Variants in OSBP2 observed in about 807,000 individuals in gnomAD.
OSBP2 encodes oxysterol binding protein 2, also known as oxysterol-binding protein 2.
Under a neutral mutation model 96.0 loss-of-function variants are expected in OSBP2, and 66 were observed. The observed-to-expected ratio is 0.69, with a 90% CI of 0.56 to 0.84. The LOEUF is 0.84. OSBP2 is among the 40% of genes least tolerant of loss of function. OSBP2 has a pLI of 0.00. For missense variants in OSBP2, 1,038 were observed against 1,222.7 expected (o/e 0.85, Z 2.25); for synonymous variants, 525 against 520.9 (o/e 1.01, Z -0.11).
At chr22:30,829,219 G>A (rs1438085927) in intron 2 of OSBP2, among the ~76,000 whole-genome samples, 2 of 152,204 alleles carry the variant, frequency 1.3e-5, no homozygotes, top group Non-Finnish European at 2.9e-5. Context: ...GCTGCTGTGG[G>A]CTCACTTGGC....
Position 30,907,288 on chromosome 22 carries a change from G to T in OSBP2, c.*949G>T, listed in dbSNP as rs565636554. The T allele has an allele frequency of 2.0e-5, 3 of 152,514 alleles. No individual in the cohort carries two copies. The highest frequency in any genetic ancestry group is 4.8e-5 in the African/African-American group (2 of 41,474). The allele number at this position is 152,514 out of a possible 1,614,324, so 9.4% of individuals were successfully genotyped here. A position where few individuals can be genotyped will look rare whatever the true frequency, so the allele number is the denominator to read the frequency against. Reference sequence around the variant, plus strand: ...AGGCCCCTAGGGGTGCCCCATCTCAGTGTCCCCTGAACTCTTTATTTGCCT... The same window carrying T: ...AGGCCCCTAGGGGTGCCCCATCTCATTGTCCCCTGAACTCTTTATTTGCCT... On this transcript the variant is annotated 3_prime_UTR_variant, in exon 14 of 14. Coordinates refer to ENST00000332585, the MANE Select transcript of OSBP2 (RefSeq NM_030758.4).
At chr22:30,813,898 G>A (rs1294838954) in intron 2 of OSBP2, among the ~76,000 whole-genome samples, 2 of 151,860 alleles carry the variant, frequency 1.3e-5, no homozygotes, top group Non-Finnish European at 2.9e-5. Context: ...CGCCTCCCGG[G>A]TTCAAGCAAT....
intron 12 of OSBP2, among the ~76,000 whole-genome samples, chr22:30,901,662 C>T (rs1045727522): frequency 7.3e-5 from 11 of 151,676 alleles, no homozygotes; most frequent in Admixed American, 3.3e-4. Flanking sequence ...GTCAGGAGTT[C>T]GAGACCAGCC....
chr22:30,803,917 A>C (rs2090890973), intron 2 of OSBP2, among the ~76,000 whole-genome samples: 1 of 152,160 alleles, frequency 6.6e-6, no homozygotes, highest in Non-Finnish European at 1.5e-5. Flanking sequence ...TGTGCCTCTG[A>C]GTAAGCAGTT....
intron 2 of OSBP2, among the ~76,000 whole-genome samples, chr22:30,802,480 C>G (rs1467844046): frequency 6.6e-6 from 1 of 152,272 alleles, no homozygotes; most frequent in Non-Finnish European, 1.5e-5. Context: ...GAGGGCCCCT[C>G]CCCTGCTGGG....
At chr22:30,878,747 G>C (rs1197021924) in intron 3 of OSBP2, among the ~76,000 whole-genome samples, 1 of 152,168 alleles carries the variant, frequency 6.6e-6, no homozygotes, top group Non-Finnish European at 1.5e-5. Context: ...GACACACTTT[G>C]GTGCCTGCCG....
chr22:30,818,202 C>T (rs559512718), intron 2 of OSBP2, among the ~76,000 whole-genome samples: 2 of 152,250 alleles, frequency 1.3e-5, no homozygotes, highest in South Asian at 4.1e-4. Context: ...CCAGCCAGTC[C>T]TACTGTTTTA....
chr22:30,862,435 T>A (rs1461865679), intron 2 of OSBP2, among the ~76,000 whole-genome samples: 1 of 152,184 alleles, frequency 6.6e-6, no homozygotes, highest in East Asian at 1.9e-4. Context: ...ATCCTAGCAC[T>A]TTGGGAGGGT....
chr22:30,848,020 T>C lies in OSBP2; in HGVS notation c.854-22409T>C, dbSNP rs547270025. 8.5e-5 allele frequency among the ~76,000 whole-genome samples: 13 copies of C among 152,328 alleles called. 1 individual carries two copies. In the South Asian group the frequency reaches 2.5e-3, roughly 29 times the overall value. ...CTATGAAAAGTAAATAGAATTATAG[T>C]ATACATACTGTTTTGCTCCTTGATC... On this transcript the variant is annotated intron_variant, in intron 2 of 13. Transcript: ENST00000332585.
intron 12 of OSBP2, chr22:30,902,524 T>C: frequency 6.8e-7 from 1 of 1,467,192 alleles, no homozygotes; most frequent in East Asian, 2.3e-5. Flanking sequence ...GATGACTTCT[T>C]AGGAGGCAGG....
chr22:30,802,958 G>T (rs2090873888), intron 2 of OSBP2: 1 of 153,676 alleles, frequency 6.5e-6, no homozygotes, highest in Non-Finnish European at 1.5e-5. Context: ...CGGCGCCCGC[G>T]GCAGGGAGGC....
intron 2 of OSBP2, among the ~76,000 whole-genome samples, chr22:30,765,472 C>T (rs936320143): frequency 4.6e-5 from 7 of 152,110 alleles, no homozygotes; most frequent in Non-Finnish European, 7.4e-5. Context: ...GCCTCCCAAA[C>T]TGCTAGAATT....
chr22:30,769,674 A>G (rs779116824), intron 2 of OSBP2, among the ~76,000 whole-genome samples: 1 of 152,112 alleles, frequency 6.6e-6, no homozygotes, highest in Non-Finnish European at 1.5e-5. Flanking sequence ...GTTAAATTAA[A>G]TTAAATAATA....
intron 2 of OSBP2, among the ~76,000 whole-genome samples, chr22:30,750,461 G>GC (rs1177550713): frequency 1.3e-5 from 2 of 152,038 alleles, no homozygotes; most frequent in Non-Finnish European, 2.9e-5. Flanking sequence ...AAATTCAAAG[G>GC]CCCCCCAACC....
chr22:30,862,726 C>G (rs1160249940), intron 2 of OSBP2, among the ~76,000 whole-genome samples: 1 of 151,964 alleles, frequency 6.6e-6, no homozygotes, highest in Non-Finnish European at 1.5e-5. Context: ...GTAATCCCAG[C>G]ACTTTGGGAG....
intron 3 of OSBP2, among the ~76,000 whole-genome samples, chr22:30,884,445 G>A (rs1371443901): frequency 6.6e-6 from 1 of 152,188 alleles, no homozygotes; most frequent in Non-Finnish European, 1.5e-5. Context: ...ACTCCTGATA[G>A]TGCACCCCTG....
At chr22:30,711,606 G>C (rs1602155654) in intron 1 of OSBP2, among the ~76,000 whole-genome samples, 2 of 151,962 alleles carry the variant, frequency 1.3e-5, no homozygotes, top group African/African-American at 4.8e-5. Context: ...CAGGCATGGC[G>C]GTGTGTGCCT....
intron 1 of OSBP2, among the ~76,000 whole-genome samples, chr22:30,700,658 G>A (rs913922963): frequency 6.6e-6 from 1 of 152,044 alleles, no homozygotes; most frequent in African/African-American, 2.4e-5. Flanking sequence ...TCAAACAGAA[G>A]CATTTTAAAT....
At chr22:30,732,209 C>T (rs1223515031) in intron 1 of OSBP2, among the ~76,000 whole-genome samples, 1 of 152,122 alleles carries the variant, frequency 6.6e-6, no homozygotes, top group Non-Finnish European at 1.5e-5. Flanking sequence ...GAGGCTGAGA[C>T]AGGAGAATCA....
Sources: allele counts gnomAD v4.1 joint callset (sites outside exome capture counted in the v4.1 genomes callset), GRCh38; gene constraint gnomAD v4.1.1; transcripts MANE v1.5; gene names NCBI Gene and HGNC (gene_info 2026-07-23, HGNC 2026-07-21).